FAM120B: variants seen among roughly 807,000 people sequenced by gnomAD.
FAM120B encodes the protein constitutive coactivator of peroxisome proliferator-activated receptor gamma.
In FAM120B, 83 loss-of-function variants were observed where a neutral mutation model predicts 96.3. The observed-to-expected ratio is 0.86, with a 90% CI of 0.72 to 1.03. FAM120B has a LOEUF of 1.03. Ranked by LOEUF, FAM120B falls within the 50% of genes least tolerant of loss-of-function variation. The pLI is 0.00. For synonymous variants in FAM120B, 407 were observed against 402.7 expected (o/e 1.01, Z -0.13); for missense variants, 1,027 against 1,121.2 (o/e 0.92, Z 1.20).
At position 170,361,202 on chromosome 6, in the gene FAM120B, A is replaced by G. The variant is rs866223671; in HGVS notation, c.2283+2884A>G. Among the ~76,000 whole-genome samples, 195 of 73,822 alleles carry G rather than the reference A, an allele frequency of 2.6e-3. 6 individuals carry two copies. The highest frequency in any genetic ancestry group is 9.4e-3 in the African/African-American group (169 of 18,074). The allele number at this position is 73,822 out of a possible 152,430, so 48.4% of individuals were successfully genotyped here. A position where few individuals can be genotyped will look rare whatever the true frequency, so the allele number is the denominator to read the frequency against. ...TAAAACTATATATATATACGTGTAT[A>G]TATATATATATATATATATATATAT... On this transcript the variant is annotated intron_variant, in intron 6 of 10. Coordinates refer to ENST00000476287, the MANE Select transcript of FAM120B (RefSeq NM_032448.3).
chr6:170,346,041 A>G (rs1488057739), intron 4 of FAM120B, among the ~76,000 whole-genome samples: 1 of 152,250 alleles, frequency 6.6e-6, no homozygotes, highest in African/African-American at 2.4e-5. Flanking sequence ...TGTGTATGTA[A>G]ACATTCCTAA....
At position 170,377,735 on chromosome 6, in the gene FAM120B, T is replaced by C. The variant is rs79753832; in HGVS notation, c.2284-10552T>C. 1.5e-3 allele frequency among the ~76,000 whole-genome samples: 117 copies of C among 78,984 alleles called. 1 individual carries two copies. Among genetic ancestry groups the C allele is most frequent in the East Asian group, 0.012 (7 of 564 alleles). The allele number at this position is 78,984 out of a possible 152,430, so 51.8% of individuals were successfully genotyped here. A position where few individuals can be genotyped will look rare whatever the true frequency, so the allele number is the denominator to read the frequency against. On this transcript the variant is annotated intron_variant, in intron 6 of 10. Transcript: ENST00000476287. ...ACACGCGTCCCTAATCCCAGACGCC[T>C]GGGAGAACACAGGCTCACGCTGCTC...
chr6:170,356,647 C>T (rs2115177898), intron 5 of FAM120B, among the ~76,000 whole-genome samples: 1 of 152,124 alleles, frequency 6.6e-6, no homozygotes, highest in Middle Eastern at 3.4e-3. Context: ...AAAAGCTGGC[C>T]CTTTATATTC....
intron 6 of FAM120B, among the ~76,000 whole-genome samples, chr6:170,371,573 T>TA (rs1562577385): frequency 6.6e-6 from 1 of 152,118 alleles, no homozygotes; most frequent in Non-Finnish European, 1.5e-5. Context: ...GAATTGTGTG[T>TA]AAAAAACATT....
Position 170,295,517 on chromosome 6 carries a change from C to G in FAM120B, c.48+64C>G. On this transcript the variant is annotated intron_variant, in intron 1 of 10. Coordinates refer to the FAM120B transcript ENST00000537664. The surrounding 1 kb of genome is among the most constrained non-coding windows in gnomAD (Gnocchi z 7.8). ...CAGGCAGCCGCGCTTCCACAGCGGG[C>G]AGGAGCGCGACCCCCGGCGCGGGCA... The G allele has an allele frequency of 3.0e-6, 2 of 663,648 alleles. No individual in the cohort carries two copies. Among genetic ancestry groups the G allele is most frequent in the Non-Finnish European group, 2.7e-6 (1 of 369,188 alleles). 41.1% of individuals were successfully genotyped at this position (663,648 alleles called of 1,614,324 possible). A position where few individuals can be genotyped will look rare whatever the true frequency, so the allele number is the denominator to read the frequency against.
chr6:170,301,656 A>G (rs867559148), intron 1 of FAM120B, among the ~76,000 whole-genome samples: 14 of 152,252 alleles, frequency 9.2e-5, no homozygotes, highest in Admixed American at 2.0e-4. Flanking sequence ...TCCACCAGAT[A>G]CCCTAAATCA....
intron 3 of FAM120B, among the ~76,000 whole-genome samples, chr6:170,326,167 T>C (rs1184420890): frequency 6.6e-6 from 1 of 152,218 alleles, no homozygotes; most frequent in East Asian, 1.9e-4. Flanking sequence ...TGACATCTTA[T>C]ATAACTGTGG....
intron 1 of FAM120B, among the ~76,000 whole-genome samples, chr6:170,307,808 G>A (rs1784378261): frequency 6.6e-6 from 1 of 152,154 alleles, no homozygotes; most frequent in South Asian, 2.1e-4. Flanking sequence ...GTCGTTCAGG[G>A]ACTGGAAACC....
At chr6:170,291,051 CCT>C (rs1405683027), upstream of FAM120B, 1 of 701,966 alleles carries the variant, frequency 1.4e-6, no homozygotes, top group Non-Finnish European at 2.6e-6. Context: ...TCCAAACCCT[CCT>C]CTCAATGGAT....
At chr6:170,338,284 A>G (rs977448511) in intron 4 of FAM120B, among the ~76,000 whole-genome samples, 14 of 152,010 alleles carry the variant, frequency 9.2e-5, no homozygotes, top group African/African-American at 3.4e-4. Flanking sequence ...TAATTTTGTT[A>G]TTTACCCAGT....
chr6:170,389,303 G>A (rs757970636), intron 7 of FAM120B, among the ~76,000 whole-genome samples: 66 of 152,266 alleles, frequency 4.3e-4, no homozygotes, highest in Admixed American at 9.2e-4. Flanking sequence ...ATGGAACAGT[G>A]TTTTCACTGC....
At chr6:170,352,896 C>T (rs1036483794) in intron 5 of FAM120B, among the ~76,000 whole-genome samples, 1 of 151,852 alleles carries the variant, frequency 6.6e-6, no homozygotes, top group African/African-American at 2.4e-5. Flanking sequence ...CAGAGCTGAA[C>T]TGAAGGAGAT....
At chr6:170,372,369 C>A (rs373559749) in intron 6 of FAM120B, among the ~76,000 whole-genome samples, 6 of 119,538 alleles carry the variant, frequency 5.0e-5, no homozygotes, top group Non-Finnish European at 7.9e-5. Flanking sequence ...CTAATGAAAG[C>A]GGTTTGACTA....
At chr6:170,390,492 A>G (rs934727431) in intron 7 of FAM120B, among the ~76,000 whole-genome samples, 3 of 151,902 alleles carry the variant, frequency 2.0e-5, no homozygotes, top group Non-Finnish European at 4.4e-5. Flanking sequence ...AAAAAAAAGT[A>G]TAGGATAGAA....
Position 170,358,267 on chromosome 6 carries a change from G to A in FAM120B, c.2232G>A (p.Ala744=), listed in dbSNP as rs369790588. Residue 744 remains alanine, a synonymous_variant, in exon 6 of 11, where the codon GCG becomes GCA. Coordinates refer to ENST00000476287, the MANE Select transcript of FAM120B (RefSeq NM_032448.3). ...TGGAGGATTTGCATGCGTTTATTGCGCAGGCCTTGTGCCTCCAAGGAAAAT... is the reference window on the plus strand; with the variant it reads ...TGGAGGATTTGCATGCGTTTATTGCACAGGCCTTGTGCCTCCAAGGAAAAT... ...LCLEDLHAFI[A]QALCLQGKST... 41 of 1,606,650 alleles carry A rather than the reference G, an allele frequency of 2.6e-5. No homozygotes were observed. The Middle Eastern group carries it at 8.2e-4, about 32-fold the overall frequency.
At chr6:170,345,212 T>A (rs1787097906) in intron 4 of FAM120B, among the ~76,000 whole-genome samples, 1 of 152,184 alleles carries the variant, frequency 6.6e-6, no homozygotes, top group Non-Finnish European at 1.5e-5. Flanking sequence ...ATAAGTGTCC[T>A]TTATCCAGCA....
chr6:170,402,961 G>A (rs1008702520), intron 9 of FAM120B, among the ~76,000 whole-genome samples: 2 of 152,176 alleles, frequency 1.3e-5, no homozygotes, highest in African/African-American at 4.8e-5. Flanking sequence ...TCAAAGAGTG[G>A]TGATGCGTGT....
chr6:170,404,303 G>C, intron 9 of FAM120B: 1 of 487,444 alleles, frequency 2.1e-6, no homozygotes, highest in East Asian at 3.4e-5. Context: ...GGATGGAGCT[G>C]GTGTGAAGAG....
intron 8 of FAM120B, among the ~76,000 whole-genome samples, chr6:170,392,166 G>A (rs776166420): frequency 1.3e-5 from 2 of 152,162 alleles, no homozygotes; most frequent in East Asian, 1.9e-4. Flanking sequence ...AAGAGTTTCC[G>A]TTTCAGGGTA....
Sources: allele counts gnomAD v4.1 joint callset (sites outside exome capture counted in the v4.1 genomes callset), GRCh38; gene constraint gnomAD v4.1.1; non-coding constraint Gnocchi (gnomAD v3.1); transcripts MANE v1.5; gene names NCBI Gene and HGNC (gene_info 2026-07-23, HGNC 2026-07-21).